PDZRN4: variants seen among roughly 807,000 people sequenced by gnomAD.
The protein encoded by PDZRN4 is PDZ domain-containing RING finger protein 4.
In PDZRN4, 70 loss-of-function variants were observed where a neutral mutation model predicts 99.0. The observed-to-expected ratio is 0.71, with a 90% CI of 0.58 to 0.86. The LOEUF (loss-of-function observed/expected upper bound fraction) is 0.86. PDZRN4 is among the 40% of genes least tolerant of loss of function. PDZRN4 has a pLI of 0.00. For missense variants in PDZRN4, 1,474 were observed against 1,331.2 expected (o/e 1.11, Z -1.67); for synonymous variants, 551 against 501.6 (o/e 1.10, Z -1.32).
At chr12:41,450,651 G>A (rs7297699) in intron 3 of PDZRN4, among the ~76,000 whole-genome samples, 14,472 of 150,718 alleles carry the variant, frequency 0.096, 1,788 homozygotes, top group African/African-American at 0.27. Flanking sequence ...ACCAAGTGCC[G>A]TGGCTCATGC....
chr12:41,422,423 A>G (rs1315418443), intron 3 of PDZRN4, among the ~76,000 whole-genome samples: 1 of 152,116 alleles, frequency 6.6e-6, no homozygotes, highest in African/African-American at 2.4e-5. Flanking sequence ...CTAGAAATGG[A>G]TATGTCCATT....
chr12:41,551,968 C>G (rs1939065040), intron 5 of PDZRN4, among the ~76,000 whole-genome samples: 2 of 152,124 alleles, frequency 1.3e-5, no homozygotes, highest in South Asian at 4.2e-4. Flanking sequence ...ATTTCAAGCC[C>G]TTAGCCATGT....
At chr12:41,245,801 A>G (rs1951130143) in intron 3 of PDZRN4, among the ~76,000 whole-genome samples, 1 of 152,194 alleles carries the variant, frequency 6.6e-6, no homozygotes, top group South Asian at 2.1e-4. Context: ...TCAAAGCAAG[A>G]ACTCATTAAA....
At chr12:41,349,933 T>C (rs1373437647) in intron 3 of PDZRN4, among the ~76,000 whole-genome samples, 1 of 151,782 alleles carries the variant, frequency 6.6e-6, no homozygotes, top group Non-Finnish European at 1.5e-5. Flanking sequence ...TATGAGGAAT[T>C]GCAAATAACA....
intron 3 of PDZRN4, among the ~76,000 whole-genome samples, chr12:41,480,994 T>C (rs150804010): frequency 1.6e-3 from 245 of 151,882 alleles, no homozygotes; most frequent in Middle Eastern, 3.4e-3. Flanking sequence ...TCTAATAGGC[T>C]ATATTTTAGA....
intron 3 of PDZRN4, among the ~76,000 whole-genome samples, chr12:41,455,539 C>G (rs984667538): frequency 6.6e-6 from 1 of 152,092 alleles, no homozygotes; most frequent in Non-Finnish European, 1.5e-5. Flanking sequence ...TCAACTATTG[C>G]AGCAAAAATA....
chr12:41,313,117 T>A (rs1180951341), intron 3 of PDZRN4, among the ~76,000 whole-genome samples: 1 of 152,088 alleles, frequency 6.6e-6, no homozygotes, highest in African/African-American at 2.4e-5. Context: ...AATACAAAAA[T>A]TATCCTATTG....
intron 3 of PDZRN4, among the ~76,000 whole-genome samples, chr12:41,451,192 A>C (rs1335331807): frequency 6.6e-6 from 1 of 151,870 alleles, no homozygotes; most frequent in East Asian, 1.9e-4. Flanking sequence ...AAAAACTTAG[A>C]AAATATCTCC....
chr12:41,373,204 C>T (rs886738854), intron 3 of PDZRN4, among the ~76,000 whole-genome samples: 1 of 147,180 alleles, frequency 6.8e-6, no homozygotes, highest in African/African-American at 2.4e-5. Context: ...GACCACAGGA[C>T]CGGGGTGAAA....
At chr12:41,262,343 A>G (rs1380495535) in intron 3 of PDZRN4, among the ~76,000 whole-genome samples, 1 of 152,198 alleles carries the variant, frequency 6.6e-6, no homozygotes, top group Non-Finnish European at 1.5e-5. Context: ...CTGATGTGTT[A>G]TCATACATTT....
chr12:41,506,530 T>G lies in PDZRN4; in HGVS notation c.918T>G (p.Ile306Met). 1 of 1,613,798 alleles carries G rather than the reference T, an allele frequency of 6.2e-7. No individual in the cohort carries two copies. Among genetic ancestry groups the G allele is most frequent in the Non-Finnish European group, 8.5e-7 (1 of 1,179,822 alleles). The part of the protein sequence containing the change: ...VEAFRNAKEP[I>M]VVQVLRRTPL... ...CTTTTCGCAATGCCAAGGAGCCCAT[T>G]GTGGTGCAGGTGTTAAGGCGAACAC... The change falls in exon 4 of 10, where the codon ATT becomes ATG. Residue 306 changes from isoleucine to methionine, a missense_variant. Transcript: ENST00000402685.
chr12:41,548,080 T>C (rs1026158029), intron 5 of PDZRN4, among the ~76,000 whole-genome samples: 3 of 152,250 alleles, frequency 2.0e-5, no homozygotes, highest in Non-Finnish European at 4.4e-5. Flanking sequence ...TTTACCCTTA[T>C]GTCTCTACAG....
chr12:41,371,304 G>T (rs748368370), intron 3 of PDZRN4, among the ~76,000 whole-genome samples: 2 of 151,600 alleles, frequency 1.3e-5, no homozygotes, highest in African/African-American at 2.4e-5. Flanking sequence ...AACTGTATAT[G>T]GCACTGGCTA....
chr12:41,490,287 A>G (rs563962747), intron 3 of PDZRN4, among the ~76,000 whole-genome samples: 7 of 152,186 alleles, frequency 4.6e-5, no homozygotes, highest in Non-Finnish European at 7.3e-5. Context: ...CTCCAGGTCT[A>G]CATTGGTAGC....
chr12:41,489,004 G>A (rs1453123053), intron 3 of PDZRN4, among the ~76,000 whole-genome samples: 3 of 152,144 alleles, frequency 2.0e-5, no homozygotes, highest in African/African-American at 7.2e-5. Context: ...TACGGCCCAG[G>A]ACAGCTTTGA....
Position 41,573,225 on chromosome 12 carries a change from C to T in PDZRN4, c.2446C>T (p.Leu816Phe). 2.5e-6 allele frequency: 4 copies of T among 1,614,142 alleles called. No individual in the cohort carries two copies. Among genetic ancestry groups the T allele is most frequent in the Non-Finnish European group, 3.4e-6 (4 of 1,180,026 alleles). The stretch of plus-strand genomic sequence containing the variant: ...GGAGAAGGTTTTAGAAGGCAGCAAG[C>T]TTCCTGATCAAGAGAAGGCAGTCAG... ...SKEKVLEGSK[L>F]PDQEKAVSEH... Residue 816 changes from leucine (L) to phenylalanine (F), a missense_variant, in exon 10 of 10, where the codon CTT (leucine) becomes TTT (phenylalanine). Coordinates refer to ENST00000402685, the MANE Select transcript of PDZRN4 (RefSeq NM_001164595.2).
At chr12:41,304,064 C>T (rs1378499098) in intron 3 of PDZRN4, among the ~76,000 whole-genome samples, 1 of 152,070 alleles carries the variant, frequency 6.6e-6, no homozygotes, top group African/African-American at 2.4e-5. Context: ...AAATCCTTCA[C>T]AAAACATGAA....
At chr12:41,330,295 C>T (rs12297427) in intron 3 of PDZRN4, among the ~76,000 whole-genome samples, 4 of 151,986 alleles carry the variant, frequency 2.6e-5, no homozygotes, top group African/African-American at 9.7e-5. Context: ...AAAGAGTTAT[C>T]TTGACATTCC....
intron 3 of PDZRN4, among the ~76,000 whole-genome samples, chr12:41,264,669 A>C (rs1951264883): frequency 6.6e-6 from 1 of 152,168 alleles, no homozygotes; most frequent in Non-Finnish European, 1.5e-5. Context: ...CTGTAAAATA[A>C]ATTATTCTAA....
Sources: allele counts gnomAD v4.1 joint callset (sites outside exome capture counted in the v4.1 genomes callset), GRCh38; gene constraint gnomAD v4.1.1; transcripts MANE v1.5; gene names NCBI Gene and HGNC (gene_info 2026-07-23, HGNC 2026-07-21).